The following RFX4 variants were observed in gnomAD, a reference collection of about 807,000 sequenced individuals.
RFX4 encodes the protein transcription factor RFX4.
RFX4 carries 10 observed loss-of-function variants against 95.0 expected under a neutral mutation model. That is an observed-to-expected ratio of 0.11 (90% CI 0.06 to 0.18). The LOEUF is 0.18. RFX4 is among the 10% of genes least tolerant of loss of function. The probability of loss-of-function intolerance (pLI) is 1.00; values close to 1 mark genes in which losing one functional copy is unlikely to be tolerated. For missense variants in RFX4, 640 were observed against 922.0 expected (o/e 0.69, Z 3.96); for synonymous variants, 321 against 340.7 (o/e 0.94, Z 0.64).
intron 10 of RFX4, among the ~76,000 whole-genome samples, chr12:106,714,638 G>A (rs2042255464): frequency 6.6e-6 from 1 of 151,664 alleles, no homozygotes. Flanking sequence ...TCTCAGTATT[G>A]TTTCAACTTG....
At chr12:106,731,545 A>G (rs1024160162) in intron 13 of RFX4, among the ~76,000 whole-genome samples, 5 of 152,228 alleles carry the variant, frequency 3.3e-5, no homozygotes, top group Admixed American at 2.6e-4. Flanking sequence ...TTTTTAATGA[A>G]TTACCTTTTC....
At chr12:106,733,317 T>C (rs1169231881) in intron 15 of RFX4, 3 of 402,344 alleles carry the variant, frequency 7.5e-6, no homozygotes, top group Non-Finnish European at 1.3e-5. Context: ...AGACCTTGTC[T>C]CAAAAAAAGA....
intron 1 of RFX4, among the ~76,000 whole-genome samples, chr12:106,608,038 C>T (rs2039874330): frequency 6.6e-6 from 1 of 152,090 alleles, no homozygotes; most frequent in Non-Finnish European, 1.5e-5. Flanking sequence ...ACTAAAAATA[C>T]AAAAATTAGC....
At chr12:106,715,372 C>G (rs779809583) in intron 10 of RFX4, 28 bp from the exon 11 acceptor site, 7 of 1,606,376 alleles carry the variant, frequency 4.4e-6, no homozygotes, top group Non-Finnish European at 6.0e-6. Flanking sequence ...AACCCATGAG[C>G]TAACGAGTTG....
At chr12:106,759,648 C>T (rs1033412514) in intron 17 of RFX4, among the ~76,000 whole-genome samples, 1 of 152,096 alleles carries the variant, frequency 6.6e-6, no homozygotes, top group East Asian at 1.9e-4. Context: ...CAGGGGTATG[C>T]GCCAGTGTTT....
intron 4 of RFX4, among the ~76,000 whole-genome samples, chr12:106,679,224 G>A (rs1346991615): frequency 6.6e-6 from 1 of 152,200 alleles, no homozygotes; most frequent in Non-Finnish European, 1.5e-5. Context: ...TTGAGAGGTT[G>A]AGGTGGGTGG....
chr12:106,721,926 T>C (rs1274424685), intron 13 of RFX4, among the ~76,000 whole-genome samples: 1 of 152,244 alleles, frequency 6.6e-6, no homozygotes, highest in Non-Finnish European at 1.5e-5. Context: ...CACTATTTTT[T>C]CTAAACAGCC....
At chr12:106,599,941 C>G (rs981562417) in intron 1 of RFX4, among the ~76,000 whole-genome samples, 2 of 152,084 alleles carry the variant, frequency 1.3e-5, no homozygotes, top group Admixed American at 1.3e-4. Flanking sequence ...TCCATTCTCT[C>G]CCCTCTAAAA....
At chr12:106,704,795 A>G (rs981122239) in intron 8 of RFX4, among the ~76,000 whole-genome samples, 2 of 152,032 alleles carry the variant, frequency 1.3e-5, no homozygotes, top group Admixed American at 6.6e-5. Flanking sequence ...TAGCTATAGT[A>G]AGAAAGTGTG....
rs141220125 is a variant in RFX4, at chr12:106,736,914, C to A, written c.1633+3829C>A. 8.7e-3 allele frequency among the ~76,000 whole-genome samples: 1,324 copies of A among 152,184 alleles called. 4 individuals are homozygous for A. The highest frequency in any genetic ancestry group is 0.013 in the Non-Finnish European group (909 of 67,996). ...ATGAAGCCTGTGCCTCCTCAAAGTG[C>A]TGGGGCAAAGAACCCACTGCCTCAC... On this transcript the variant is annotated intron_variant, in intron 15 of 17. Coordinates refer to ENST00000392842, the MANE Select transcript of RFX4 (RefSeq NM_213594.3).
chr12:106,655,233 A>G (rs2040933368), intron 4 of RFX4, among the ~76,000 whole-genome samples: 2 of 152,236 alleles, frequency 1.3e-5, no homozygotes, highest in African/African-American at 2.4e-5. Flanking sequence ...GAGCCCAAAA[A>G]TGGAGTGGCT....
intron 1 of RFX4, among the ~76,000 whole-genome samples, chr12:106,606,088 G>A (rs995278199): frequency 3.9e-5 from 6 of 152,118 alleles, no homozygotes; most frequent in South Asian, 4.2e-4. Context: ...AGCTTCTCTC[G>A]GGAATGTTGC....
Position 106,702,654 on chromosome 12 carries a change from T to G in RFX4, c.833+6208T>G, listed in dbSNP as rs9943865. Reference sequence around the variant, plus strand: ...CAGAGTTGGGCACTCTCAGTGATCTTGACTCATTGCAGAGACAAAACTCTA... The same window carrying G: ...CAGAGTTGGGCACTCTCAGTGATCTGGACTCATTGCAGAGACAAAACTCTA... On this transcript the variant is annotated intron_variant, in intron 8 of 17. Coordinates refer to ENST00000392842, the MANE Select transcript of RFX4 (RefSeq NM_213594.3). Among the ~76,000 whole-genome samples, 843 of 152,322 alleles carry G rather than the reference T, an allele frequency of 5.5e-3. 4 individuals carry two copies. Among genetic ancestry groups the G allele is most frequent in the African/African-American group, 0.019 (788 of 41,570 alleles).
intron 11 of RFX4, 59 bp from the exon 12 acceptor site, chr12:106,719,898 AGAC>A: frequency 1.5e-6 from 2 of 1,292,978 alleles, no homozygotes; most frequent in Non-Finnish European, 2.2e-6. Flanking sequence ...TGTTCTTTTA[AGAC>A]GTAGCTCTTG....
intron 13 of RFX4, among the ~76,000 whole-genome samples, chr12:106,727,043 GT>G (rs2042513704): frequency 6.6e-6 from 1 of 151,572 alleles, no homozygotes; most frequent in Non-Finnish European, 1.5e-5. Flanking sequence ...AATTGCTGGG[GT>G]TACAAGCATG....
chr12:106,608,624 T>A (rs2039887546), intron 1 of RFX4, among the ~76,000 whole-genome samples, 173 bp from the exon 2 acceptor site: 1 of 152,218 alleles, frequency 6.6e-6, no homozygotes, highest in Non-Finnish European at 1.5e-5. Flanking sequence ...ATGGTGCACA[T>A]GGAACTCCAT....
intron 1 of RFX4, among the ~76,000 whole-genome samples, chr12:106,605,362 T>C (rs777723720): frequency 1.3e-5 from 2 of 152,182 alleles, no homozygotes; most frequent in African/African-American, 2.4e-5. Context: ...CATAGGAAGC[T>C]ACCTGGCTTG....
At chr12:106,589,712 T>G (rs2039511252) in intron 1 of RFX4, among the ~76,000 whole-genome samples, 1 of 152,164 alleles carries the variant, frequency 6.6e-6, no homozygotes. Context: ...TTAGGTGGAT[T>G]TGAATCCCAC....
chr12:106,738,294 T>C (rs920771996), intron 15 of RFX4, among the ~76,000 whole-genome samples: 11 of 152,218 alleles, frequency 7.2e-5, no homozygotes, highest in Admixed American at 4.6e-4. Context: ...TTGGATGAAA[T>C]GTTTCTCAAA....
Sources: allele counts gnomAD v4.1 joint callset (sites outside exome capture counted in the v4.1 genomes callset), GRCh38; gene constraint gnomAD v4.1.1; transcripts MANE v1.5; gene names NCBI Gene and HGNC (gene_info 2026-07-23, HGNC 2026-07-21).